The following RBMS3 variants were observed in gnomAD, a reference collection of about 807,000 sequenced individuals.
RBMS3 encodes the protein RNA binding motif single stranded interacting protein 3.
In RBMS3, 27 loss-of-function variants were observed where a neutral mutation model predicts 66.8. That is an observed-to-expected ratio of 0.40 (90% CI 0.30 to 0.56). The LOEUF (loss-of-function observed/expected upper bound fraction) is 0.56. Ranked by LOEUF, RBMS3 falls within the 20% of genes least tolerant of loss-of-function variation. The pLI, the probability that RBMS3 is intolerant of heterozygous loss-of-function variation, is 0.40. For synonymous variants in RBMS3, 188 were observed against 183.0 expected, an observed-to-expected ratio of 1.03 and a Z score of -0.22; for missense variants, 513 against 549.5, an observed-to-expected ratio of 0.93 and a Z score of 0.66.
intron 1 of RBMS3, among the ~76,000 whole-genome samples, chr3:29,311,097 C>G (rs1331224067): frequency 6.6e-6 from 1 of 151,726 alleles, no homozygotes; most frequent in African/African-American, 2.4e-5. Flanking sequence ...AAATCACATC[C>G]TTGATTCAGT....
chr3:29,296,201 G>A (rs2033250923), intron 1 of RBMS3, among the ~76,000 whole-genome samples: 1 of 151,760 alleles, frequency 6.6e-6, no homozygotes, highest in East Asian at 1.9e-4. Flanking sequence ...TCCTTTGTCT[G>A]CCACCTTATA....
chr3:29,345,582 A>G (rs2036526061), intron 1 of RBMS3, among the ~76,000 whole-genome samples: 1 of 152,196 alleles, frequency 6.6e-6, no homozygotes, highest in Non-Finnish European at 1.5e-5. Context: ...CATAGGAGAC[A>G]GCTCTTTCCA....
chr3:29,519,553 T>A (rs1349643486), intron 3 of RBMS3, among the ~76,000 whole-genome samples: 1 of 152,182 alleles, frequency 6.6e-6, no homozygotes, highest in Non-Finnish European at 1.5e-5. Context: ...GATGAGGGTG[T>A]GGAACTCAGA....
chr3:29,815,240 T>C (rs1270592441), intron 6 of RBMS3, among the ~76,000 whole-genome samples: 1 of 152,192 alleles, frequency 6.6e-6, no homozygotes, highest in African/African-American at 2.4e-5. Context: ...CCTACATTTC[T>C]AGGTTTCTTA....
intron 4 of RBMS3, among the ~76,000 whole-genome samples, chr3:29,678,870 G>A (rs980255784): frequency 1.3e-5 from 2 of 152,086 alleles, no homozygotes; most frequent in African/African-American, 4.8e-5. Flanking sequence ...ACCCTCAGTA[G>A]GAGCTACTAG....
chr3:29,454,233 A>C (rs901308326), intron 2 of RBMS3, among the ~76,000 whole-genome samples: 1 of 152,158 alleles, frequency 6.6e-6, no homozygotes, highest in African/African-American at 2.4e-5. Flanking sequence ...GCAGCTGCTG[A>C]TGAATTTAAA....
At chr3:29,651,107 A>C (rs1383476666) in intron 4 of RBMS3, among the ~76,000 whole-genome samples, 2 of 152,206 alleles carry the variant, frequency 1.3e-5, no homozygotes, top group Non-Finnish European at 2.9e-5. Context: ...GAAAGACTAA[A>C]AGACTGACTT....
At chr3:29,529,232 C>T (rs892768400) in intron 3 of RBMS3, among the ~76,000 whole-genome samples, 1 of 152,146 alleles carries the variant, frequency 6.6e-6, no homozygotes, top group Non-Finnish European at 1.5e-5. Flanking sequence ...GGGATAAGCA[C>T]TTTGTGATAG....
rs540996612 is a variant in RBMS3, at chr3:29,994,171, C to T, written c.1307+2962C>T. Among the ~76,000 whole-genome samples the T allele has an allele frequency of 4.0e-4, 61 of 152,280 alleles. 1 individual carries two copies. Among genetic ancestry groups the T allele is most frequent in the South Asian group, 1.9e-3 (9 of 4,820 alleles). ...CTGAGTCAAAGAAAGGGGTGACGGA[C>T]GGCACCTGGAAAATCGGGTCACTCC... On this transcript the variant is annotated intron_variant, in intron 14 of 14. Transcript: ENST00000383767.
intron 2 of RBMS3, among the ~76,000 whole-genome samples, chr3:29,464,291 G>A (rs1163629205): frequency 6.6e-6 from 1 of 152,134 alleles, no homozygotes; most frequent in Non-Finnish European, 1.5e-5. Context: ...TAGGTGGTTG[G>A]TTTGTAAACC....
chr3:29,478,327 T>A (rs7648157), intron 2 of RBMS3, among the ~76,000 whole-genome samples: 90,830 of 151,972 alleles, frequency 0.6, 27,606 homozygotes, highest in East Asian at 0.69. Flanking sequence ...AGGCAGCAGC[T>A]GGTTCATTGT....
At chr3:29,713,667 A>C (rs2053266444) in intron 4 of RBMS3, among the ~76,000 whole-genome samples, 1 of 152,184 alleles carries the variant, frequency 6.6e-6, no homozygotes, top group South Asian at 2.1e-4. Context: ...TTTATACTTT[A>C]ATGCATTCTC....
At chr3:29,781,679 C>T (rs1317116275) in intron 6 of RBMS3, among the ~76,000 whole-genome samples, 2 of 151,930 alleles carry the variant, frequency 1.3e-5, no homozygotes, top group Non-Finnish European at 2.9e-5. Flanking sequence ...CTCCCTGAGA[C>T]ACCAAAAAAC....
intron 1 of RBMS3, among the ~76,000 whole-genome samples, chr3:29,387,966 A>G (rs1388603273): frequency 1.3e-5 from 2 of 152,048 alleles, no homozygotes; most frequent in Non-Finnish European, 1.5e-5. Flanking sequence ...AGAGAACCCA[A>G]ACATTTTTCC....
intron 6 of RBMS3, among the ~76,000 whole-genome samples, chr3:29,773,052 G>C (rs1037305807): frequency 3.3e-5 from 5 of 151,892 alleles, no homozygotes; most frequent in Non-Finnish European, 7.4e-5. Flanking sequence ...TGTATCTCTT[G>C]GGTCTCAACC....
chr3:29,322,475 CTA>C (rs2035064792), intron 1 of RBMS3, among the ~76,000 whole-genome samples: 1 of 152,080 alleles, frequency 6.6e-6, no homozygotes, highest in African/African-American at 2.4e-5. Context: ...TCCTCATCCT[CTA>C]ACATTCAAAT....
chr3:29,386,220 A>T (rs956730153), intron 1 of RBMS3, among the ~76,000 whole-genome samples: 1 of 151,380 alleles, frequency 6.6e-6, no homozygotes, highest in African/African-American at 2.4e-5. Flanking sequence ...TAACAGCATG[A>T]CCACTCGCTT....
chr3:29,606,240 T>A (rs554184788), intron 4 of RBMS3, among the ~76,000 whole-genome samples: 3 of 152,022 alleles, frequency 2.0e-5, no homozygotes, highest in African/African-American at 7.2e-5. Context: ...TCCCTTCGCA[T>A]TGTCATATGA....
intron 2 of RBMS3, among the ~76,000 whole-genome samples, chr3:29,452,120 A>G (rs1321259796): frequency 6.6e-6 from 1 of 152,158 alleles, no homozygotes; most frequent in East Asian, 1.9e-4. Flanking sequence ...GTCAGATAAC[A>G]GGGATTTTCC....
Sources: gnomAD v4.1 joint callset for allele counts (sites outside exome capture counted in the v4.1 genomes callset) on GRCh38, gnomAD v4.1.1 for gene constraint, MANE v1.5 for transcripts, NCBI Gene and HGNC (gene_info 2026-07-23, HGNC 2026-07-21) for gene names.